Variants in DDX60L observed in about 807,000 individuals in gnomAD.
DDX60L encodes the protein DExD/H-box 60 like.
In DDX60L, 191 loss-of-function variants were observed where a neutral mutation model predicts 211.6. The observed-to-expected ratio is 0.90, with a 90% CI of 0.80 to 1.02. The LOEUF is 1.02. DDX60L is among the 50% of genes least tolerant of loss of function. The pLI is 0.00. For synonymous variants in DDX60L, 706 were observed against 694.1 expected (o/e 1.02, Z -0.27); for missense variants, 2,007 against 1,984.1 (o/e 1.01, Z -0.22).
Position 168,453,263 on chromosome 4 carries a change from G to A in DDX60L, c.857C>T (p.Ser286Phe). 1 of 1,611,996 alleles carries A rather than the reference G, an allele frequency of 6.2e-7. No individual in the cohort carries two copies. The highest frequency in any genetic ancestry group is 8.5e-7 in the Non-Finnish European group (1 of 1,178,890). The change falls in exon 8 of 38, where the codon TCC becomes TTC. Residue 286 changes from serine to phenylalanine, a missense_variant. Transcript: ENST00000682922. Reference sequence around the variant, plus strand: ...GCAGAAATCTTCCACCTCCTGCAGGGATAGGCAATTACTGTGCACCTGCGT... The same window carrying A: ...GCAGAAATCTTCCACCTCCTGCAGGAATAGGCAATTACTGTGCACCTGCGT... ...HRVLVHSNCL[S>F]LQEVEDFCRL...
intron 34 of DDX60L, 60 bp from the exon 35 acceptor site, chr4:168,373,868 T>C (rs1741465526): frequency 1.3e-6 from 2 of 1,558,568 alleles, no homozygotes. Context: ...GTTAACCCTT[T>C]CAAACTCACT....
At chr4:168,420,210 T>C in intron 18 of DDX60L, 51 bp downstream of exon 18, 2 of 1,398,026 alleles carry the variant, frequency 1.4e-6, no homozygotes, top group Non-Finnish European at 1.9e-6. Context: ...AACAGTTATA[T>C]AAGTACTGCT....
At chr4:168,422,232 A>C (rs1469970587) in intron 16 of DDX60L, among the ~76,000 whole-genome samples, 2 of 152,244 alleles carry the variant, frequency 1.3e-5, no homozygotes, top group African/African-American at 4.8e-5. Context: ...TCATTGAGTA[A>C]GTACAGAAAG....
Position 168,384,614 on chromosome 4 carries a change from T to G in DDX60L, c.4114A>C (p.Lys1372Gln), listed in dbSNP as rs1743529886. Residue 1372 changes from lysine (K) to glutamine (Q), a missense_variant and splice_region_variant, in exon 30 of 38, where the codon AAG becomes CAG. Lys to Gln is a moderately conservative substitution (Grantham distance 53). Coordinates refer to ENST00000682922, the MANE Select transcript of DDX60L (RefSeq NM_001012967.3). ...TCAGGCAGTGTCCAGCACGGTACCT[T>G]TGCCTTGGCATCCTCTGGGTCATCT... ...KGDDPEDAKAKVLSVLKHSLL... is the reference protein window; with the variant it reads ...KGDDPEDAKAQVLSVLKHSLL... The G allele has an allele frequency of 1.2e-6, 2 of 1,613,694 alleles. No homozygotes were observed. The highest frequency in any genetic ancestry group is 2.7e-5 in the African/African-American group (2 of 74,902).
In DDX60L at chr4:168,396,133, TAAA is replaced by T; in HGVS notation, c.3492-12_3492-10del. ...TTGGGTTTTTTTTAGTGCTACTATTTAAAAAAAAAAAAAAACTTTTAAGTAATG... is the reference window on the plus strand; with the variant it reads ...TTGGGTTTTTTTTAGTGCTACTATTTAAAAAAAAAAAACTTTTAAGTAATG... On this transcript the variant is annotated splice_polypyrimidine_tract_variant and intron_variant, in intron 26 of 37. Transcript: ENST00000682922. The T allele has an allele frequency of 1.9e-5, 22 of 1,176,106 alleles. 1 individual carries two copies. The highest frequency in any genetic ancestry group is 3.4e-5 in the South Asian group (2 of 58,154). 72.9% of individuals were successfully genotyped at this position (1,176,106 alleles called of 1,614,324 possible).
chr4:168,389,878 AGAAC>A (rs1744494397), intron 29 of DDX60L, among the ~76,000 whole-genome samples: 1 of 152,244 alleles, frequency 6.6e-6, no homozygotes, highest in Non-Finnish European at 1.5e-5. Flanking sequence ...TGCAAGCAGT[AGAAC>A]TAACATTTTC....
chr4:168,460,229 A>T (rs1228857911), intron 5 of DDX60L, among the ~76,000 whole-genome samples: 1 of 152,184 alleles, frequency 6.6e-6, no homozygotes, highest in Non-Finnish European at 1.5e-5. Flanking sequence ...ATATTTTTTG[A>T]CTCCCAAGTT....
intron 26 of DDX60L, among the ~76,000 whole-genome samples, chr4:168,398,435 C>T (rs6826615): frequency 1.8e-4 from 27 of 152,202 alleles, no homozygotes; most frequent in African/African-American, 5.3e-4. Context: ...AAGAGCAGCT[C>T]GGCACTGGCC....
chr4:168,401,502 C>T (rs1746805333), intron 25 of DDX60L, among the ~76,000 whole-genome samples: 1 of 152,242 alleles, frequency 6.6e-6, no homozygotes, highest in Admixed American at 6.5e-5. Flanking sequence ...CCCTTGGGCA[C>T]ATGTTCTCAG....
intron 4 of DDX60L, among the ~76,000 whole-genome samples, chr4:168,467,460 AAT>A (rs1491475661): frequency 4.0e-5 from 6 of 151,536 alleles, no homozygotes; most frequent in Non-Finnish European, 5.9e-5. Context: ...AAAAAAAAAA[AAT>A]GAAAGAAGGA....
At chr4:168,447,323 C>T (rs1220974285) in intron 9 of DDX60L, among the ~76,000 whole-genome samples, 4 of 146,326 alleles carry the variant, frequency 2.7e-5, no homozygotes, top group Non-Finnish European at 6.1e-5. Context: ...AAATCAAAAC[C>T]ACAATGAGAT....
At chr4:168,376,392 C>T (rs1741952758) in intron 33 of DDX60L, among the ~76,000 whole-genome samples, 2 of 152,126 alleles carry the variant, frequency 1.3e-5, no homozygotes, top group Admixed American at 6.5e-5. Context: ...TTCCTAGGAG[C>T]AAGTGTGAAT....
rs70961514 is a variant in DDX60L, at chr4:168,358,524, CTTTTTTTTTTT to C, written c.4992-259_4992-249del. Among the ~76,000 whole-genome samples the C allele has an allele frequency of 1.2e-4, 13 of 108,284 alleles. No individual in the cohort carries two copies. In the South Asian group the frequency reaches 3.6e-3, roughly 30 times the overall value. The allele number at this position is 108,284 out of a possible 152,430, so 71.0% of individuals were successfully genotyped here. A position where few individuals can be genotyped will look rare whatever the true frequency, so the allele number is the denominator to read the frequency against. ...TCTTCTTTTTTTCTTTTTTCTTTTT[CTTTTTTTTTTT>C]TTTTTTTTTTGAGACAGAGTCTCGC... On this transcript the variant is annotated intron_variant, in intron 37 of 37. Coordinates refer to ENST00000682922, the MANE Select transcript of DDX60L (RefSeq NM_001012967.3).
intron 1 of DDX60L, among the ~76,000 whole-genome samples, chr4:168,477,104 C>T (rs550447642): frequency 1.3e-5 from 2 of 152,246 alleles, no homozygotes; most frequent in Admixed American, 1.3e-4. Context: ...TCCCTTACTG[C>T]TACAGAAATT....
In DDX60L at chr4:168,472,033, A is replaced by G. The variant is rs534029557; in HGVS notation, c.75-97T>C. The stretch of plus-strand genomic sequence containing the variant: ...TTATTGCATAAGCTACTGTTTGTTG[A>G]GTACCTCATGCCAGTCCATGATGCC... On this transcript the variant is annotated intron_variant, in intron 3 of 37. Transcript: ENST00000682922. The G allele has an allele frequency of 5.5e-5, 52 of 943,024 alleles. 1 individual carries two copies. The South Asian group carries it at 7.0e-4, about 13-fold the overall frequency. The allele number at this position is 943,024 out of a possible 1,614,324, so 58.4% of individuals were successfully genotyped here.
intron 10 of DDX60L, among the ~76,000 whole-genome samples, chr4:168,436,277 T>C (rs1753023854): frequency 6.6e-6 from 1 of 152,236 alleles, no homozygotes; most frequent in South Asian, 2.1e-4. Flanking sequence ...CTTACTGGAA[T>C]AGACAGTTAC....
chr4:168,453,309 A>AGTCACAAT (rs774674829), intron 7 of DDX60L, 27 bp from the exon 8 acceptor site: 2 of 1,588,064 alleles, frequency 1.3e-6, no homozygotes, highest in Non-Finnish European at 8.6e-7. Context: ...AGATGAGAAC[A>AGTCACAAT]GTCACAATGT....
intron 1 of DDX60L, among the ~76,000 whole-genome samples, chr4:168,476,385 A>G (rs1169058458): frequency 6.6e-6 from 1 of 152,188 alleles, no homozygotes; most frequent in Non-Finnish European, 1.5e-5. Flanking sequence ...AATGAATACT[A>G]ATACCATAAA....
chr4:168,452,676 TA>T, intron 8 of DDX60L, among the ~76,000 whole-genome samples: 1 of 152,042 alleles, frequency 6.6e-6, no homozygotes, highest in East Asian at 1.9e-4. Flanking sequence ...GGCCCTAAAA[TA>T]AAAAATGAAA....
Sources: gnomAD v4.1 joint callset for allele counts (sites outside exome capture counted in the v4.1 genomes callset) on GRCh38, gnomAD v4.1.1 for gene constraint, MANE v1.5 for transcripts, NCBI Gene and HGNC (gene_info 2026-07-23, HGNC 2026-07-21) for gene names.